THSD7B: variants seen among roughly 807,000 people sequenced by gnomAD.
The protein encoded by THSD7B is thrombospondin type 1 domain containing 7B.
A neutral mutation model predicts 213.6 loss-of-function variants in THSD7B; 138 were observed. The observed-to-expected ratio is 0.65, with a 90% confidence interval of 0.56 to 0.74. The LOEUF is 0.74. THSD7B is among the 30% of genes least tolerant of loss of function. The pLI, the probability that THSD7B is intolerant of heterozygous loss-of-function variation, is 0.00. For missense variants in THSD7B, 1,931 were observed against 1,991.5 expected, an observed-to-expected ratio of 0.97 and a Z score of 0.58; for synonymous variants, 742 against 687.0, an observed-to-expected ratio of 1.08 and a Z score of -1.25.
chr2:137,122,533 C>T (rs1357856521), intron 5 of THSD7B, among the ~76,000 whole-genome samples: 1 of 152,080 alleles, frequency 6.6e-6, no homozygotes. Flanking sequence ...GGTAATCAAG[C>T]TGGCCATGAA....
chr2:137,309,876 T>C lies in THSD7B; in HGVS notation c.2500+33850T>C, dbSNP rs534013235. Among the ~76,000 whole-genome samples the C allele has an allele frequency of 3.9e-3, 590 of 152,302 alleles. 4 individuals carry two copies. Among genetic ancestry groups the C allele is most frequent in the African/African-American group, 0.014 (563 of 41,556 alleles). On this transcript the variant is annotated intron_variant, in intron 12 of 27. Coordinates refer to ENST00000409968, the MANE Select transcript of THSD7B (RefSeq NM_001316349.2). ...GCTGCATAGTATTCCATGGTGTATA[T>C]GTGCCGCATTTTCTTAATCTGGTCT...
chr2:137,092,431 AAAAT>A (rs1687966683), intron 3 of THSD7B, among the ~76,000 whole-genome samples: 1 of 152,082 alleles, frequency 6.6e-6, no homozygotes. Context: ...AAATAAAATA[AAAAT>A]AAATAAAATA....
chr2:137,010,415 T>TA, intron 2 of THSD7B, among the ~76,000 whole-genome samples: 2 of 152,356 alleles, frequency 1.3e-5, no homozygotes, highest in East Asian at 3.9e-4. Flanking sequence ...GCTATTTTCT[T>TA]ACTAATAAAA....
At chr2:137,632,497 T>A (rs760212373) in intron 20 of THSD7B, among the ~76,000 whole-genome samples, 1 of 152,182 alleles carries the variant, frequency 6.6e-6, no homozygotes, top group Non-Finnish European at 1.5e-5. Context: ...TTGCATCCCA[T>A]GGAAATTGCT....
chr2:137,538,547 G>A (rs1680550092), intron 15 of THSD7B: 1 of 505,590 alleles, frequency 2.0e-6, no homozygotes, highest in Admixed American at 2.1e-5. Context: ...GTGAAAAGAA[G>A]CTTTGATGTT....
intron 7 of THSD7B, among the ~76,000 whole-genome samples, chr2:137,193,514 G>A (rs1295087116): frequency 6.6e-6 from 1 of 152,088 alleles, no homozygotes; most frequent in East Asian, 1.9e-4. Flanking sequence ...AGAGAACTGT[G>A]AAGATGGAAA....
intron 15 of THSD7B, among the ~76,000 whole-genome samples, chr2:137,562,429 G>A (rs1681138597): frequency 6.6e-6 from 1 of 151,992 alleles, no homozygotes; most frequent in Non-Finnish European, 1.5e-5. Flanking sequence ...AACTCAATTG[G>A]CTGCCCACTG....
At chr2:137,050,331 T>C (rs1014618172) in intron 2 of THSD7B, among the ~76,000 whole-genome samples, 1 of 152,216 alleles carries the variant, frequency 6.6e-6, no homozygotes, top group African/African-American at 2.4e-5. Flanking sequence ...GTGGTTCAAA[T>C]ACATGTCTAA....
At chr2:137,278,499 T>G (rs1682923800) in intron 12 of THSD7B, among the ~76,000 whole-genome samples, 1 of 152,162 alleles carries the variant, frequency 6.6e-6, no homozygotes, top group African/African-American at 2.4e-5. Flanking sequence ...CTCCAAAAGC[T>G]TACCTTCATA....
chr2:137,049,369 G>A (rs1687023132), intron 2 of THSD7B, among the ~76,000 whole-genome samples: 2 of 152,208 alleles, frequency 1.3e-5, no homozygotes, highest in South Asian at 2.1e-4. Context: ...AATTGTTGTG[G>A]AAGACGTTTA....
chr2:137,215,695 G>A (rs1439321023), intron 7 of THSD7B, among the ~76,000 whole-genome samples: 1 of 152,172 alleles, frequency 6.6e-6, no homozygotes, highest in Non-Finnish European at 1.5e-5. Context: ...CAAGGATTAT[G>A]TTAAGACATT....
chr2:137,671,772 G>A (rs72844594), intron 27 of THSD7B, among the ~76,000 whole-genome samples: 23,813 of 152,072 alleles, frequency 0.16, 2,415 homozygotes, highest in Middle Eastern at 0.27. Context: ...AAGCCTAACC[G>A]TATCAGGCAC....
intron 5 of THSD7B, among the ~76,000 whole-genome samples, chr2:137,117,536 T>C (rs1337073510): frequency 6.6e-6 from 1 of 152,174 alleles, no homozygotes; most frequent in Non-Finnish European, 1.5e-5. Context: ...GTATTGACTT[T>C]GGAAATTCCT....
intron 12 of THSD7B, among the ~76,000 whole-genome samples, chr2:137,340,981 GTTTTTTT>G (rs70978213): frequency 1.0e-5 from 1 of 98,662 alleles, no homozygotes; most frequent in African/African-American, 3.4e-5. Flanking sequence ...TTCTCTTTTT[GTTTTTTT>G]TTTTTTTTTT....
chr2:136,823,211 C>T (rs763120153), intron 1 of THSD7B, among the ~76,000 whole-genome samples: 13 of 152,088 alleles, frequency 8.5e-5, no homozygotes, highest in Non-Finnish European at 1.6e-4. Flanking sequence ...TGATGAATAA[C>T]CAAGGAGAAA....
intron 1 of THSD7B, among the ~76,000 whole-genome samples, chr2:136,792,070 T>G (rs1460590164): frequency 2.0e-5 from 3 of 152,228 alleles, no homozygotes; most frequent in Middle Eastern, 3.4e-3. Flanking sequence ...CTACTGGGTA[T>G]GAAGTGGCAT....
Position 136,934,927 on chromosome 2 carries a change from G to A in THSD7B, c.139+52610G>A, listed in dbSNP as rs570522601. 4.0e-4 allele frequency among the ~76,000 whole-genome samples: 60 copies of A among 148,820 alleles called. 1 individual carries two copies. In the Middle Eastern group the frequency reaches 0.011, roughly 26 times the overall value. ...GATTTTTATCTCATAAATCATTTAAGAATTTTAGCAAATAGACAGATTAAT... is the reference window on the plus strand; with the variant it reads ...GATTTTTATCTCATAAATCATTTAAAAATTTTAGCAAATAGACAGATTAAT... On this transcript the variant is annotated intron_variant, in intron 2 of 27. Coordinates refer to ENST00000409968, the MANE Select transcript of THSD7B (RefSeq NM_001316349.2).
intron 2 of THSD7B, among the ~76,000 whole-genome samples, chr2:136,934,756 A>G (rs775141958): frequency 6.6e-6 from 1 of 152,304 alleles, no homozygotes; most frequent in East Asian, 1.9e-4. Flanking sequence ...GTGGAGCAAC[A>G]ATAGATTAGG....
At chr2:137,052,085 C>T (rs1264608419) in intron 2 of THSD7B, among the ~76,000 whole-genome samples, 2 of 152,130 alleles carry the variant, frequency 1.3e-5, no homozygotes, top group Admixed American at 6.5e-5. Context: ...AATCACAGAG[C>T]CTTAAATTTG....
Sources: allele counts gnomAD v4.1 joint callset (sites outside exome capture counted in the v4.1 genomes callset), GRCh38; gene constraint gnomAD v4.1.1; transcripts MANE v1.5; gene names NCBI Gene and HGNC (gene_info 2026-07-23, HGNC 2026-07-21).